KAT5: variants seen among roughly 807,000 people sequenced by gnomAD.
KAT5 encodes lysine acetyltransferase 5.
KAT5 carries 31 observed loss-of-function variants against 68.1 expected under a neutral mutation model. That is an observed-to-expected ratio of 0.46 (90% CI 0.34 to 0.61). KAT5 has a LOEUF of 0.61. Among genes scored for constraint, KAT5 ranks in the 20% least tolerant of loss-of-function variants. The pLI, the probability that KAT5 is intolerant of heterozygous loss-of-function variation, is 0.01. For synonymous variants in KAT5, 365 were observed against 292.6 expected, an observed-to-expected ratio of 1.25 and a Z score of -2.52; for missense variants, 451 against 725.5, an observed-to-expected ratio of 0.62 and a Z score of 4.35.
chr11:65,718,066 G>C (rs1565210973), intron 10 of KAT5: 2 of 154,338 alleles, frequency 1.3e-5, no homozygotes, highest in Admixed American at 1.3e-4. Context: ...CCCCGACTTA[G>C]GAAGCACCTT....
chr11:65,719,579 C>A lies in KAT5; in HGVS notation c.*398C>A, dbSNP rs1003237993. The A allele has an allele frequency of 1.5e-6, 1 of 658,986 alleles. No homozygotes were observed. Among genetic ancestry groups the A allele is most frequent in the Non-Finnish European group, 2.7e-6 (1 of 372,296 alleles). 40.8% of individuals were successfully genotyped at this position (658,986 alleles called of 1,614,324 possible). On this transcript the variant is annotated 3_prime_UTR_variant, in exon 13 of 13. Transcript: ENST00000341318. Reference sequence around the variant, plus strand: ...TGGCTTCTCTTACCCCTATTGCCCCCGGCAATAAATTGTTTCTATATGCCA... The same window carrying A: ...TGGCTTCTCTTACCCCTATTGCCCCAGGCAATAAATTGTTTCTATATGCCA...
chr11:65,719,542 T>A lies in KAT5; in HGVS notation c.*361T>A. The A allele has an allele frequency of 1.6e-6, 1 of 619,256 alleles. No homozygotes were observed. The highest frequency in any genetic ancestry group is 2.7e-5 in the East Asian group (1 of 36,652). 38.4% of individuals were successfully genotyped at this position (619,256 alleles called of 1,614,324 possible). A position where few individuals can be genotyped will look rare whatever the true frequency, so the allele number is the denominator to read the frequency against. ...AGTTGGGGGTGGGGTGGGTGCTGGC[T>A]GCAAAAATTTCTGGCTTCTCTTACC... On this transcript the variant is annotated 3_prime_UTR_variant, in exon 13 of 13. Transcript: ENST00000341318.
At position 65,713,281 on chromosome 11, in the gene KAT5, C is replaced by T. The variant is rs369057196; in HGVS notation, c.385-67C>T. 29 of 1,523,418 alleles carry T rather than the reference C, an allele frequency of 1.9e-5. No individual in the cohort carries two copies. The African/African-American group carries it at 3.6e-4, about 19-fold the overall frequency. The allele number at this position is 1,523,418 out of a possible 1,614,324, so 94.4% of individuals were successfully genotyped here. A position where few individuals can be genotyped will look rare whatever the true frequency, so the allele number is the denominator to read the frequency against. On this transcript the variant is annotated intron_variant, in intron 3 of 12. Transcript: ENST00000341318. ...TTTGATAATTTTGAGGTGAGGGACC[C>T]CTCTTCCCCTTCCCCATCCCACTGC... is the stretch of plus-strand genomic sequence containing the variant.
In KAT5 at chr11:65,713,490, A is replaced by G. The variant is rs772744661; in HGVS notation, c.527A>G (p.Asn176Ser). 2 of 1,614,052 alleles carry G rather than the reference A, an allele frequency of 1.2e-6. No individual in the cohort carries two copies. Among genetic ancestry groups the G allele is most frequent in the South Asian group, 1.1e-5 (1 of 91,070 alleles). ...PLSSSSCLQP[N>S]HRSTKRKVEV... ...TCCTCCAGCTCCTGCCTGCAGCCCA[A>G]CCACCGCTCAACGGTACCCTCAGCA... Residue 176 changes from asparagine to serine, a missense_variant, in exon 4 of 13, where the codon AAC (asparagine) becomes AGC (serine). By Grantham distance (46) the Asn-to-Ser change is conservative. Coordinates refer to ENST00000341318, the MANE Select transcript of KAT5 (RefSeq NM_182710.3).
chr11:65,713,297 A>G (rs4244812), intron 3 of KAT5, 51 bp from the exon 4 acceptor site: 767,993 of 1,582,960 alleles, frequency 0.49, 188,350 homozygotes, highest in East Asian at 0.6. Context: ...CCCCTTCCCC[A>G]TCCCACTGCC....
chr11:65,717,111 AAC>A, intron 10 of KAT5, 129 bp downstream of exon 10: 1 of 722,102 alleles, frequency 1.4e-6, no homozygotes, highest in South Asian at 1.6e-5. Flanking sequence ...AGCCAGAAAT[AAC>A]AGTGGCACTC....
Position 65,719,473 on chromosome 11 carries a change from G to T in KAT5, c.*292G>T, listed in dbSNP as rs190723966. ...GAAGGGATCCGGATGGGGGAGCTCT[G>T]TACAGAGGGCTGGTGATTGTAAAAA... is the stretch of plus-strand genomic sequence containing the variant. On this transcript the variant is annotated 3_prime_UTR_variant, in exon 13 of 13. Coordinates refer to ENST00000341318, the MANE Select transcript of KAT5 (RefSeq NM_182710.3). The T allele has an allele frequency of 3.5e-5, 21 of 608,422 alleles. 1 individual carries two copies. The South Asian group carries it at 4.0e-4, about 12-fold the overall frequency. 37.7% of individuals were successfully genotyped at this position (608,422 alleles called of 1,614,324 possible). A position where few individuals can be genotyped will look rare whatever the true frequency, so the allele number is the denominator to read the frequency against.
At chr11:65,716,841 T>C (rs1565209955) in intron 9 of KAT5, 34 bp downstream of exon 9, 1 of 1,614,024 alleles carries the variant, frequency 6.2e-7, no homozygotes, top group East Asian at 2.2e-5. Flanking sequence ...CTGTGCCCTG[T>C]CCTGAGCCAG....
chr11:65,716,994 T>C lies in KAT5; in HGVS notation c.1264+12T>C, dbSNP rs1220502958. ...GCTGATCGAGTTCAGTGAGTATGTG[T>C]GCTGCGGCCAGGGGGTAGTGGACCC... On this transcript the variant is annotated intron_variant, in intron 10 of 12. Coordinates refer to ENST00000341318, the MANE Select transcript of KAT5 (RefSeq NM_182710.3). 1.9e-6 allele frequency: 3 copies of C among 1,603,462 alleles called. No homozygotes were observed. Among genetic ancestry groups the C allele is most frequent in the African/African-American group, 1.3e-5 (1 of 74,686 alleles).
At chr11:65,718,771 T>TG (rs1857294404) in intron 11 of KAT5, 22 bp downstream of exon 11, 1 of 1,613,956 alleles carries the variant, frequency 6.2e-7, no homozygotes. Context: ...GCTGTCTACC[T>TG]GGGGGTACAT....
chr11:65,717,770 G>A (rs1200351525), intron 10 of KAT5: 1 of 152,538 alleles, frequency 6.6e-6, no homozygotes. Context: ...GATGCTTGAA[G>A]AAACTCAGTC....
chr11:65,713,140 A>G lies in KAT5; in HGVS notation c.384+82A>G. 3.9e-6 allele frequency: 6 copies of G among 1,557,126 alleles called. No individual in the cohort carries two copies. In the East Asian group the frequency reaches 9.0e-5, roughly 23 times the overall value. On this transcript the variant is annotated intron_variant, in intron 3 of 12. Coordinates refer to ENST00000341318, the MANE Select transcript of KAT5 (RefSeq NM_182710.3). ...TGGCATTAGGAGCTCCTGGATGGGC[A>G]GGAGGCGGCTCCCTCTCACCCTGAC...
chr11:65,717,051 G>A, intron 10 of KAT5, 69 bp downstream of exon 10: 2 of 1,219,172 alleles, frequency 1.6e-6, no homozygotes, highest in Admixed American at 3.4e-5. Context: ...GATGGGCCAG[G>A]CTACTGTGAT....
chr11:65,718,156 C>T (rs1017789132), intron 10 of KAT5: 1 of 159,662 alleles, frequency 6.3e-6, no homozygotes, highest in African/African-American at 2.4e-5. Flanking sequence ...CTCCCAAGGT[C>T]CCAGCTAGGA....
At chr11:65,717,321 A>G (rs1857232360) in intron 10 of KAT5, 2 of 415,302 alleles carry the variant, frequency 4.8e-6, no homozygotes, top group East Asian at 9.9e-5. Context: ...GTGCCATGAT[A>G]CGAGTACTGG....
rs903240685 is a variant in KAT5, at chr11:65,712,258, G to T, written c.-10G>T. ...CAGAGGGGCCGGAAGTGGCAGTGGA[G>T]GGAGGGAAGATGGCGGAGGTGGTGA... On this transcript the variant is annotated 5_prime_UTR_variant, in exon 1 of 13. The change creates a new upstream start codon in the 5' untranslated region. Transcript: ENST00000341318. 5.0e-6 allele frequency: 7 copies of T among 1,412,236 alleles called. No individual in the cohort carries two copies. In the African/African-American group the frequency reaches 9.0e-5, roughly 18 times the overall value. The allele number at this position is 1,412,236 out of a possible 1,614,324, so 87.5% of individuals were successfully genotyped here.
chr11:65,713,086 C>G, intron 3 of KAT5, 28 bp downstream of exon 3: 3 of 1,611,576 alleles, frequency 1.9e-6, no homozygotes, highest in African/African-American at 2.7e-5. Context: ...TTCACCTTTT[C>G]TCTCCTGCCT....
intron 8 of KAT5, chr11:65,716,209 G>A (rs75367742): frequency 0.015 from 2,519 of 166,262 alleles, 78 homozygotes; most frequent in African/African-American, 0.056. Flanking sequence ...TGTGGATGTA[G>A]AATGTTAGGT....
chr11:65,716,735 A>C lies in KAT5; in HGVS notation c.1098A>C (p.Thr366=), dbSNP rs773912090. The change falls in exon 9 of 13, where the codon ACA becomes ACC. Residue 366 remains threonine (T), a synonymous_variant. Coordinates refer to ENST00000341318, the MANE Select transcript of KAT5 (RefSeq NM_182710.3). ...ACCATAAGACACTGTACTATGACAC[A>C]GACCCTTTCCTCTTCTACGTCATGA... The part of the protein sequence containing the change: ...FLDHKTLYYD[T]DPFLFYVMTE... 2.5e-6 allele frequency: 4 copies of C among 1,613,844 alleles called. No homozygotes were observed. The African/African-American group carries it at 5.3e-5, about 22-fold the overall frequency.
Sources: gnomAD v4.1 joint callset for allele counts on GRCh38, gnomAD v4.1.1 for gene constraint, MANE v1.5 for transcripts, NCBI Gene and HGNC (gene_info 2026-07-23, HGNC 2026-07-21) for gene names.